Variants in CD3D observed in about 807,000 individuals in gnomAD.
CD3D encodes the protein T-cell surface glycoprotein CD3 delta chain.
A neutral mutation model predicts 22.0 loss-of-function variants in CD3D; 22 were observed. That is an observed-to-expected ratio of 1.00 (90% CI 0.71 to 1.43). The LOEUF (loss-of-function observed/expected upper bound fraction) is 1.43. Ranked by LOEUF, CD3D falls within the 40% of genes most tolerant of loss-of-function variation. CD3D has a pLI of 0.00. For synonymous variants in CD3D, 74 were observed against 81.2 expected, an observed-to-expected ratio of 0.91 and a Z score of 0.48; for missense variants, 205 against 211.7, an observed-to-expected ratio of 0.97 and a Z score of 0.20.
intron 1 of CD3D, among the ~76,000 whole-genome samples, chr11:118,341,634 C>T (rs971826196): frequency 2.6e-4 from 39 of 152,134 alleles, no homozygotes; most frequent in African/African-American, 8.2e-4. Context: ...GGATCTGTCT[C>T]CAGTGGAAAT....
chr11:118,341,554 A>G (rs1349891245), intron 1 of CD3D, among the ~76,000 whole-genome samples: 1 of 152,210 alleles, frequency 6.6e-6, no homozygotes. Flanking sequence ...GGTTGGAAGT[A>G]TATGCATGTA....
chr11:118,340,351 C>A (rs370928131), intron 2 of CD3D, 24 bp downstream of exon 2: 7 of 1,591,456 alleles, frequency 4.4e-6, no homozygotes, highest in Non-Finnish European at 5.2e-6. Flanking sequence ...CCATTCCAAC[C>A]CAAAGGGTTC....
chr11:118,342,419 C>T, intron 1 of CD3D, 134 bp downstream of exon 1: 1 of 764,322 alleles, frequency 1.3e-6, no homozygotes, highest in Non-Finnish European at 2.3e-6. Flanking sequence ...GATCCTCCCA[C>T]TTCGGCCTCC....
chr11:118,340,006 C>T, intron 2 of CD3D, 100 bp from the exon 3 acceptor site: 1 of 1,437,826 alleles, frequency 7.0e-7, no homozygotes, highest in Admixed American at 1.7e-5. Flanking sequence ...TATGCCAAAA[C>T]CCAAACTTCA....
chr11:118,339,594 A>G, intron 3 of CD3D, 100 bp from the exon 4 acceptor site: 1 of 1,569,050 alleles, frequency 6.4e-7, no homozygotes, highest in Non-Finnish European at 8.8e-7. Context: ...ATGAACACAC[A>G]AGTTCTTTCA....
Position 118,340,475 on chromosome 11 carries a change from C to G in CD3D, c.174G>C (p.Leu58=), listed in dbSNP as rs1213352686. The part of the protein sequence containing the change: ...VGTLLSDITR[L]DLGKRILDPR... ...GGTCCAGGATGCGTTTTCCCAGGTCCAGTCTTGTAATGTCTGAGAGCAGTG... is the reference window on the plus strand; with the variant it reads ...GGTCCAGGATGCGTTTTCCCAGGTCGAGTCTTGTAATGTCTGAGAGCAGTG... The change falls in exon 2 of 5, where the codon CTG becomes CTC. Residue 58 remains leucine, a synonymous_variant. Coordinates refer to ENST00000300692, the MANE Select transcript of CD3D (RefSeq NM_000732.6). 6.2e-7 allele frequency: 1 copy of G among 1,613,944 alleles called. No individual in the cohort carries two copies. Among genetic ancestry groups the G allele is most frequent in the Non-Finnish European group, 8.5e-7 (1 of 1,179,902 alleles).
At chr11:118,340,982 A>AT (rs1476529334) in intron 1 of CD3D, 3 of 475,744 alleles carry the variant, frequency 6.3e-6, no homozygotes, top group Non-Finnish European at 1.2e-5. Context: ...AAATGTCTGC[A>AT]TTTTTTCTTC....
At chr11:118,339,940 G>T (rs780662457) in intron 2 of CD3D, 34 bp from the exon 3 acceptor site, 2 of 1,613,762 alleles carry the variant, frequency 1.2e-6, no homozygotes, top group African/African-American at 2.7e-5. Flanking sequence ...GAGAGGTTGA[G>T]AGCCTTTAAG....
chr11:118,340,508 C>G lies in CD3D; in HGVS notation c.141G>C (p.Thr47=). ...CNTSITWVEG[T]VGTLLSDITR... ...TAATGTCTGAGAGCAGTGTTCCCACCGTTCCCTCTACCCATGTGATGCTGG... is the reference window on the plus strand; with the variant it reads ...TAATGTCTGAGAGCAGTGTTCCCACGGTTCCCTCTACCCATGTGATGCTGG... The change falls in exon 2 of 5, where the codon ACG becomes ACC. Residue 47 remains threonine, a synonymous_variant. Coordinates refer to ENST00000300692, the MANE Select transcript of CD3D (RefSeq NM_000732.6). The G allele has an allele frequency of 6.2e-7, 1 of 1,614,020 alleles. No individual in the cohort carries two copies. Among genetic ancestry groups the G allele is most frequent in the African/African-American group, 1.3e-5 (1 of 75,000 alleles).
chr11:118,339,680 A>C, intron 3 of CD3D, 95 bp downstream of exon 3: 1 of 1,581,832 alleles, frequency 6.3e-7, no homozygotes, highest in South Asian at 1.1e-5. Context: ...CACCAGCCCC[A>C]TTCCTTAGCT....
intron 1 of CD3D, among the ~76,000 whole-genome samples, chr11:118,341,981 G>A (rs1463263181): frequency 6.6e-6 from 1 of 152,086 alleles, no homozygotes; most frequent in Admixed American, 6.5e-5. Flanking sequence ...CCAGATTCAG[G>A]TACATACGTA....
At chr11:118,340,328 C>G in intron 2 of CD3D, 47 bp downstream of exon 2, 1 of 1,450,868 alleles carries the variant, frequency 6.9e-7, no homozygotes, top group Non-Finnish European at 9.7e-7. Context: ...GTTCTCACAT[C>G]CAGAAGCCCT....
At chr11:118,341,808 G>A (rs956566483) in intron 1 of CD3D, among the ~76,000 whole-genome samples, 13 of 152,144 alleles carry the variant, frequency 8.5e-5, no homozygotes, top group African/African-American at 1.7e-4. Flanking sequence ...TCTTCCCTCC[G>A]TCCTGCTCAA....
chr11:118,341,924 C>T (rs1050167076), intron 1 of CD3D, among the ~76,000 whole-genome samples: 1 of 152,210 alleles, frequency 6.6e-6, no homozygotes, highest in Non-Finnish European at 1.5e-5. Context: ...CAGAGGCCAT[C>T]AGGCCTAAAA....
intron 1 of CD3D, chr11:118,340,857 T>C (rs974628185): frequency 1.1e-5 from 7 of 635,932 alleles, no homozygotes; most frequent in African/African-American, 7.2e-5. Flanking sequence ...CAGAGCAGGA[T>C]TGACCCAAGC....
At chr11:118,339,681 T>C in intron 3 of CD3D, 94 bp downstream of exon 3, 1 of 1,581,190 alleles carries the variant, frequency 6.3e-7, no homozygotes, top group Non-Finnish European at 8.6e-7. Context: ...ACCAGCCCCA[T>C]TCCTTAGCTG....
rs28606580 is a variant in CD3D at position 118,339,757 on chromosome 11, C to T, written c.406+18G>A. ...ACACACACACAAACACACTCTCATGCTCTGCTCTTCCACTAACCCCCAGAC... is the reference window on the plus strand; with the variant it reads ...ACACACACACAAACACACTCTCATGTTCTGCTCTTCCACTAACCCCCAGAC... On this transcript the variant is annotated intron_variant, in intron 3 of 4. Transcript: ENST00000300692. 2.5e-3 allele frequency: 4,026 copies of T among 1,613,618 alleles called. 101 individuals carry two copies. In the African/African-American group the frequency reaches 0.047, roughly 19 times the overall value.
At position 118,342,628 on chromosome 11, in the gene CD3D, GTAGA is replaced by G. The variant is rs753045331; in HGVS notation, c.-25_-22del. 1.9e-6 allele frequency: 3 copies of G among 1,611,408 alleles called. No homozygotes were observed. The highest frequency in any genetic ancestry group is 1.7e-6 in the Non-Finnish European group (2 of 1,177,838). On this transcript the variant is annotated 5_prime_UTR_variant, in exon 1 of 5. Coordinates refer to ENST00000300692, the MANE Select transcript of CD3D (RefSeq NM_000732.6). ...TCCATCTCCCAGCGGAACTCATCCA[GTAGA>G]TAAAGCCAGGTCACCGAACTATCAG...
rs67065773 is a variant in CD3D, at chr11:118,339,709, TACACACACACACACAC to T, written c.406+50_406+65del. 21 of 1,539,264 alleles carry T rather than the reference TACACACACACACACAC, an allele frequency of 1.4e-5. No homozygotes were observed. In the Admixed American group the frequency reaches 1.5e-4, roughly 11 times the overall value. On this transcript the variant is annotated intron_variant, in intron 3 of 4. Transcript: ENST00000300692. ...CTTAGCTGGTGCATAAGCTCACTGG[TACACACACACACACAC>T]ACACACACACACACACAAACACACT...
Sources: allele counts gnomAD v4.1 joint callset (sites outside exome capture counted in the v4.1 genomes callset), GRCh38; gene constraint gnomAD v4.1.1; transcripts MANE v1.5; gene names NCBI Gene and HGNC (gene_info 2026-07-23, HGNC 2026-07-21).